Variants in MLLT1 observed in about 807,000 individuals in gnomAD.
The protein encoded by MLLT1 is MLLT1 super elongation complex subunit.
A neutral mutation model predicts 55.1 loss-of-function variants in MLLT1; 11 were observed. The observed-to-expected ratio is 0.20, with a 90% confidence interval of 0.13 to 0.33. MLLT1 has a LOEUF of 0.33. MLLT1 is among the 10% of genes least tolerant of loss of function. MLLT1 has a pLI of 1.00. For missense variants in MLLT1, 536 were observed against 760.6 expected (o/e 0.70, Z 3.47); for synonymous variants, 323 against 320.1 (o/e 1.01, Z -0.10).
In MLLT1 at chr19:6,273,418, C is replaced by T. The variant is rs1021698796; in HGVS notation, c.13-2659G>A. On this transcript the variant is annotated intron_variant, in intron 1 of 11. Transcript: ENST00000252674. The surrounding 1 kb of genome is among the most constrained non-coding windows in gnomAD (Gnocchi z 4.3). Reference sequence around the variant, plus strand: ...GTGGGGATGGACGGAAGATCAGGCGCACTCATAAACCCCCGGCGCTGCGGA... The same window carrying T: ...GTGGGGATGGACGGAAGATCAGGCGTACTCATAAACCCCCGGCGCTGCGGA... 6.6e-6 allele frequency among the ~76,000 whole-genome samples: 1 copy of T among 152,130 alleles called. No homozygotes were observed. The highest frequency in any genetic ancestry group is 6.5e-5 in the Admixed American group (1 of 15,268).
At chr19:6,214,821 G>A (rs1430773938) in intron 8 of MLLT1, among the ~76,000 whole-genome samples, 2 of 152,206 alleles carry the variant, frequency 1.3e-5, no homozygotes, top group Non-Finnish European at 2.9e-5. Context: ...GAACAAGGAG[G>A]TGCCAGAAGC....
chr19:6,238,096 T>G (rs1411019564), intron 3 of MLLT1, among the ~76,000 whole-genome samples: 1 of 152,228 alleles, frequency 6.6e-6, no homozygotes, highest in East Asian at 1.9e-4. Context: ...AGTGAGACCC[T>G]GACTTAAAGA....
intron 5 of MLLT1, among the ~76,000 whole-genome samples, chr19:6,224,569 GC>G (rs200159383): frequency 0.026 from 3,974 of 152,294 alleles, 89 homozygotes; most frequent in Middle Eastern, 0.071. Flanking sequence ...CACGTCAGAG[GC>G]CCCTAACACA....
intron 3 of MLLT1, among the ~76,000 whole-genome samples, chr19:6,261,376 G>C (rs1224661683): frequency 6.6e-6 from 1 of 152,222 alleles, no homozygotes; most frequent in African/African-American, 2.4e-5. Flanking sequence ...TCGTGCCAGA[G>C]GGTTTGTGGA....
chr19:6,221,731 G>A (rs1010523512), intron 6 of MLLT1, among the ~76,000 whole-genome samples: 5 of 152,342 alleles, frequency 3.3e-5, no homozygotes, highest in Middle Eastern at 3.4e-3. Context: ...GCTCCAGGCC[G>A]GGCTGACCAC....
At chr19:6,248,163 C>T (rs2091184635) in intron 3 of MLLT1, among the ~76,000 whole-genome samples, 1 of 152,178 alleles carries the variant, frequency 6.6e-6, no homozygotes, top group Non-Finnish European at 1.5e-5. Flanking sequence ...GCTGGGATTA[C>T]AAGAATGAGC....
At position 6,212,696 on chromosome 19, in the gene MLLT1, G is replaced by A. The variant is rs937985622; in HGVS notation, c.*346C>T. The A allele has an allele frequency of 1.6e-5, 18 of 1,130,264 alleles. No individual in the cohort carries two copies. The highest frequency in any genetic ancestry group is 4.6e-5 in the East Asian group (1 of 21,738). The allele number at this position is 1,130,264 out of a possible 1,614,324, so 70.0% of individuals were successfully genotyped here. ...TGCTCAGAAAGGCTGGGGCAGCGAC[G>A]CCGCACAGCCCGCCGAGCAGTGGGG... On this transcript the variant is annotated 3_prime_UTR_variant, in exon 12 of 12. Transcript: ENST00000252674.
At chr19:6,277,851 T>C (rs775053626) in intron 1 of MLLT1, among the ~76,000 whole-genome samples, 1 of 152,208 alleles carries the variant, frequency 6.6e-6, no homozygotes, top group Non-Finnish European at 1.5e-5. Context: ...TTTAACTCAA[T>C]ACAGATTGGA....
intron 2 of MLLT1, among the ~76,000 whole-genome samples, chr19:6,263,750 T>C (rs532958643): frequency 1.6e-4 from 25 of 152,238 alleles, no homozygotes; most frequent in Non-Finnish European, 2.9e-4. Context: ...TGCCAGTTTC[T>C]GAAAGGCAGA....
chr19:6,253,264 C>CAA (rs71172800), intron 3 of MLLT1, among the ~76,000 whole-genome samples: 277 of 24,576 alleles, frequency 0.011, 42 homozygotes, highest in African/African-American at 0.023. Context: ...GACCCCATCT[C>CAA]AAAAAAAAAA....
At chr19:6,223,137 T>G (rs2090920187) in intron 5 of MLLT1, among the ~76,000 whole-genome samples, 1 of 152,134 alleles carries the variant, frequency 6.6e-6, no homozygotes, top group South Asian at 2.1e-4. Flanking sequence ...TCATGCTACG[T>G]GCGGGAAGCT....
intron 3 of MLLT1, among the ~76,000 whole-genome samples, chr19:6,261,460 A>ATCCACAGGCCTCCCAGGGACACC (rs2091305304): frequency 1.3e-5 from 2 of 152,130 alleles, no homozygotes; most frequent in East Asian, 3.9e-4. Context: ...GCGGGGCGGC[A>ATCCACAGGCCTCCCAGGGACACC]TCCACAGGCC....
chr19:6,246,898 C>T (rs893655463), intron 3 of MLLT1, among the ~76,000 whole-genome samples: 5 of 152,216 alleles, frequency 3.3e-5, no homozygotes, highest in East Asian at 1.9e-4. Context: ...ACCCTTGCAG[C>T]GTTCCTACTT....
intron 1 of MLLT1, among the ~76,000 whole-genome samples, chr19:6,278,410 C>T (rs2144971500): frequency 6.9e-6 from 1 of 144,184 alleles, no homozygotes; most frequent in Non-Finnish European, 1.5e-5. Context: ...TGGGGAGGGG[C>T]CGTCCAGAGC....
At chr19:6,214,641 AAGG>A (rs2090820946) in intron 8 of MLLT1, among the ~76,000 whole-genome samples, 1 of 152,124 alleles carries the variant, frequency 6.6e-6, no homozygotes, top group East Asian at 1.9e-4. Context: ...CCATCTGTGA[AAGG>A]AGGCTGCTAT....
intron 6 of MLLT1, among the ~76,000 whole-genome samples, chr19:6,218,697 G>A (rs1459349201): frequency 6.6e-6 from 1 of 152,224 alleles, no homozygotes; most frequent in Non-Finnish European, 1.5e-5. Context: ...GGACACAAGG[G>A]GTGGGATGCC....
rs371417994 is a variant in MLLT1, at chr19:6,213,003, C to T, written c.*39G>A. ...CAGGCGAGGCCTGGCTGCAGCCTCCCAGGACCCCGGCGGTGGGGGCCCGGC... is the reference window on the plus strand; with the variant it reads ...CAGGCGAGGCCTGGCTGCAGCCTCCTAGGACCCCGGCGGTGGGGGCCCGGC... On this transcript the variant is annotated 3_prime_UTR_variant, in exon 12 of 12. Coordinates refer to ENST00000252674, the MANE Select transcript of MLLT1 (RefSeq NM_005934.4). 8.1e-6 allele frequency: 13 copies of T among 1,607,848 alleles called. No individual in the cohort carries two copies. Among genetic ancestry groups the T allele is most frequent in the Non-Finnish European group, 1.1e-5 (13 of 1,176,700 alleles).
chr19:6,228,538 C>T (rs935791005), intron 4 of MLLT1, among the ~76,000 whole-genome samples: 15 of 152,150 alleles, frequency 9.9e-5, no homozygotes, highest in African/African-American at 3.1e-4. Flanking sequence ...AAGGCTGGAA[C>T]GGCGGAAAGT....
At chr19:6,257,563 G>A (rs1330224119) in intron 3 of MLLT1, among the ~76,000 whole-genome samples, 1 of 152,226 alleles carries the variant, frequency 6.6e-6, no homozygotes, top group Non-Finnish European at 1.5e-5. Context: ...CACTTTGGGA[G>A]GCCAAGACAG....
Sources: allele counts gnomAD v4.1 joint callset (sites outside exome capture counted in the v4.1 genomes callset), GRCh38; gene constraint gnomAD v4.1.1; non-coding constraint Gnocchi (gnomAD v3.1); transcripts MANE v1.5; gene names NCBI Gene and HGNC (gene_info 2026-07-23, HGNC 2026-07-21).